The following ERBIN variants were observed in gnomAD, a reference collection of about 807,000 sequenced individuals.
ERBIN encodes densin-180-like protein.
A neutral mutation model predicts 158.4 loss-of-function variants in ERBIN; 60 were observed. The observed-to-expected ratio is 0.38, with a 90% CI of 0.31 to 0.47. The LOEUF is 0.47. Among genes scored for constraint, ERBIN ranks in the 20% least tolerant of loss-of-function variants. The probability of loss-of-function intolerance (pLI) is 0.99; values close to 1 mark genes in which losing one functional copy is unlikely to be tolerated. For missense variants in ERBIN, 1,610 were observed against 1,648.0 expected (o/e 0.98, Z 0.40); for synonymous variants, 594 against 557.2 (o/e 1.07, Z -0.93).
chr5:65,942,908 CAAAAAA>C (rs56041538), intron 1 of ERBIN, among the ~76,000 whole-genome samples: 1 of 138,674 alleles, frequency 7.2e-6, no homozygotes, highest in Non-Finnish European at 1.6e-5. Flanking sequence ...ACTCCGTCTC[CAAAAAA>C]AAAAAAAAAA....
intron 1 of ERBIN, among the ~76,000 whole-genome samples, chr5:65,951,399 GA>G (rs796093075): frequency 6.6e-6 from 1 of 152,090 alleles, no homozygotes; most frequent in African/African-American, 2.4e-5. Flanking sequence ...TTATGTGAAT[GA>G]AAAAATAATA....
intron 10 of ERBIN, among the ~76,000 whole-genome samples, chr5:66,024,996 A>G (rs1385223281): frequency 6.6e-6 from 1 of 152,146 alleles, no homozygotes; most frequent in Non-Finnish European, 1.5e-5. Flanking sequence ...ACATTTTTGT[A>G]AGTTTGTTAC....
chr5:66,062,023 T>A (rs1580509310), intron 21 of ERBIN, among the ~76,000 whole-genome samples: 1 of 152,228 alleles, frequency 6.6e-6, no homozygotes, highest in Admixed American at 6.5e-5. Context: ...TTATGTGTCT[T>A]GGAGTTGCTC....
intron 1 of ERBIN, among the ~76,000 whole-genome samples, chr5:65,944,394 GTTTTTTT>G (rs1381170796): frequency 4.0e-5 from 6 of 151,578 alleles, no homozygotes; most frequent in African/African-American, 1.5e-4. Context: ...GTGGTTGTTG[GTTTTTTT>G]GTTTTTTGTT....
chr5:65,995,013 T>C (rs914284691), intron 4 of ERBIN, 149 bp downstream of exon 4: 1 of 585,284 alleles, frequency 1.7e-6, no homozygotes, highest in African/African-American at 1.9e-5. Flanking sequence ...TATGTAAAGA[T>C]AGTTGCCCGA....
At chr5:65,940,448 C>G (rs1419789302) in intron 1 of ERBIN, among the ~76,000 whole-genome samples, 1 of 136,476 alleles carries the variant, frequency 7.3e-6, no homozygotes, top group East Asian at 2.1e-4. Context: ...GCCAGCTGCC[C>G]CGTCCGGGAG....
At chr5:65,974,953 G>A (rs778352337) in intron 1 of ERBIN, among the ~76,000 whole-genome samples, 10 of 152,156 alleles carry the variant, frequency 6.6e-5, no homozygotes, top group African/African-American at 1.7e-4. Context: ...AAGGGGAAGC[G>A]AAGCTACTAA....
chr5:66,037,742 AG>A (rs1757531383), intron 14 of ERBIN, among the ~76,000 whole-genome samples: 1 of 152,170 alleles, frequency 6.6e-6, no homozygotes, highest in Admixed American at 6.6e-5. Context: ...AATAGCAAAA[AG>A]AATTAGTTAT....
intron 18 of ERBIN, 97 bp downstream of exon 18, chr5:66,046,635 T>C (rs1489250812): frequency 3.1e-6 from 3 of 968,820 alleles, no homozygotes; most frequent in Admixed American, 5.2e-5. Context: ...GTAGAAAATA[T>C]GTTAATGCAT....
chr5:66,045,391 C>CACAA, intron 17 of ERBIN, among the ~76,000 whole-genome samples: 1 of 151,698 alleles, frequency 6.6e-6, no homozygotes, highest in Non-Finnish European at 1.5e-5. Flanking sequence ...GCCTTGGGGC[C>CACAA]ATAGGCTATA....
Position 66,054,295 on chromosome 5 carries a change from C to T in ERBIN, c.2977C>T (p.His993Tyr). 1 of 1,614,130 alleles carries T rather than the reference C, an allele frequency of 6.2e-7. No individual in the cohort carries two copies. The highest frequency in any genetic ancestry group is 8.5e-7 in the Non-Finnish European group (1 of 1,180,016). ...TGCTGCAGTCAAAGACACTTTGTGGCACTCCAAACAAAATCCCCAAATAGA... is the reference window on the plus strand; with the variant it reads ...TGCTGCAGTCAAAGACACTTTGTGGTACTCCAAACAAAATCCCCAAATAGA... ...SSAAVKDTLW[H>Y]SKQNPQIDHA... The change falls in exon 21 of 26, where the codon CAC (histidine) becomes TAC (tyrosine). Residue 993 changes from histidine (H) to tyrosine (Y), a missense_variant. By Grantham distance (83) the His-to-Tyr change is moderately conservative. Coordinates refer to ENST00000284037, the MANE Select transcript of ERBIN (RefSeq NM_001253697.2).
intron 4 of ERBIN, among the ~76,000 whole-genome samples, chr5:66,001,639 T>G (rs146014009): frequency 1.6e-4 from 24 of 152,328 alleles, no homozygotes; most frequent in African/African-American, 5.8e-4. Flanking sequence ...GTCTAGGAAG[T>G]ATATAATTCT....
At position 65,987,722 on chromosome 5, in the gene ERBIN, G is replaced by A. The variant is rs560945258; in HGVS notation, c.-57-913G>A. On this transcript the variant is annotated intron_variant, in intron 1 of 25. Coordinates refer to ENST00000284037, the MANE Select transcript of ERBIN (RefSeq NM_001253697.2). ...TAGCCAGGTGTTGTGGTGCACACCT[G>A]TAATCCCACCTACTCGGCAGGCTGA... Among the ~76,000 whole-genome samples the A allele has an allele frequency of 1.9e-4, 29 of 152,004 alleles. No homozygotes were observed. The South Asian group carries it at 5.4e-3, about 28-fold the overall frequency.
intron 11 of ERBIN, 47 bp downstream of exon 11, chr5:66,025,599 T>G (rs1215935978): frequency 7.3e-7 from 1 of 1,363,010 alleles, no homozygotes. Context: ...TTACTTTCAG[T>G]TCAGCATGCC....
rs552589154 is a variant in ERBIN, at chr5:66,072,301, C to G, written c.3756+10C>G. ...AGACAGCTTGATGAAAGTGGGTGCT[C>G]GGGAAAACAAAATGTAGTATCTGTG... is the stretch of plus-strand genomic sequence containing the variant. On this transcript the variant is annotated intron_variant, in intron 22 of 25. Coordinates refer to ENST00000284037, the MANE Select transcript of ERBIN (RefSeq NM_001253697.2). The G allele has an allele frequency of 1.3e-6, 2 of 1,549,360 alleles. No homozygotes were observed. The highest frequency in any genetic ancestry group is 1.7e-6 in the Non-Finnish European group (2 of 1,146,472).
At chr5:66,058,560 T>A (rs1039225290) in intron 21 of ERBIN, among the ~76,000 whole-genome samples, 37 of 150,958 alleles carry the variant, frequency 2.5e-4, no homozygotes, top group African/African-American at 8.8e-4. Flanking sequence ...TTTGTCAATT[T>A]TGGCTTTTGT....
chr5:65,940,426 G>GTC (rs1211459783), intron 1 of ERBIN, among the ~76,000 whole-genome samples: 2 of 128,232 alleles, frequency 1.6e-5, no homozygotes, highest in Non-Finnish European at 3.2e-5. Context: ...GGGGGGGTCA[G>GTC]CCCCCCGCCC....
At chr5:65,961,892 A>G (rs947345268) in intron 1 of ERBIN, among the ~76,000 whole-genome samples, 5 of 152,156 alleles carry the variant, frequency 3.3e-5, no homozygotes, top group Non-Finnish European at 7.4e-5. Flanking sequence ...ATGAGTCACT[A>G]ATGAGGTGCC....
At chr5:65,968,809 C>A (rs998968090) in intron 1 of ERBIN, among the ~76,000 whole-genome samples, 1 of 152,206 alleles carries the variant, frequency 6.6e-6, no homozygotes, top group Non-Finnish European at 1.5e-5. Flanking sequence ...GATCCACCTG[C>A]CTCGGCCTCC....
Sources: allele counts gnomAD v4.1 joint callset (sites outside exome capture counted in the v4.1 genomes callset), GRCh38; gene constraint gnomAD v4.1.1; transcripts MANE v1.5; gene names NCBI Gene and HGNC (gene_info 2026-07-23, HGNC 2026-07-21).